NOS2: variants seen among roughly 807,000 people sequenced by gnomAD.
NOS2 encodes the protein nitric oxide synthase, inducible.
Under a neutral mutation model 136.0 loss-of-function variants are expected in NOS2, and 96 were observed. The observed-to-expected ratio is 0.71, with a 90% CI of 0.60 to 0.84. NOS2 has a LOEUF of 0.84. Among genes scored for constraint, NOS2 ranks in the 40% least tolerant of loss-of-function variants. NOS2 has a pLI of 0.00. For synonymous variants in NOS2, 539 were observed against 587.5 expected (o/e 0.92, Z 1.20); for missense variants, 1,237 against 1,496.9 (o/e 0.83, Z 2.87).
intron 25 of NOS2, among the ~76,000 whole-genome samples, 170 bp from the exon 26 acceptor site, chr17:27,759,245 G>T (rs1475940145): frequency 6.6e-6 from 1 of 152,200 alleles, no homozygotes; most frequent in African/African-American, 2.4e-5. Context: ...GTGCATGGAT[G>T]CCCCTGGGGC....
chr17:27,769,036 C>G lies in NOS2; in HGVS notation c.1975G>C (p.Gly659Arg). ...TCCTCCTGCCCACTGAGCTCATCCC[C>G]TTCTCCCATCGGGGTGAGCTGAGAG... ...GASQLTPMGE[G>R]DELSGQEDAF... is the part of the protein sequence containing the mutation. The change falls in exon 17 of 27, where the codon GGG becomes CGG. Residue 659 changes from glycine (G) to arginine (R), a missense_variant. Gly to Arg is a moderately radical substitution (Grantham distance 125, BLOSUM62 -2). Around this residue, in one of 3 missense-constraint regions of NOS2, gnomAD observed 782 missense variants for 909.9 expected, o/e 0.86. Coordinates refer to ENST00000313735, the MANE Select transcript of NOS2 (RefSeq NM_000625.4). The G allele has an allele frequency of 6.2e-7, 1 of 1,612,724 alleles. No homozygotes were observed. Among genetic ancestry groups the G allele is most frequent in the Non-Finnish European group, 8.5e-7 (1 of 1,179,600 alleles).
Position 27,798,877 on chromosome 17 carries a change from G to A in NOS2, c.-68C>T, listed in dbSNP as rs1268299201. ...GATTTGAGCTCAGATGTTCTTCACT[G>A]TGGGGCTGAAGAAGGGAAGCAGAGG... On this transcript the variant is annotated 5_prime_UTR_variant, in exon 2 of 27. Transcript: ENST00000313735. 1.1e-5 allele frequency: 11 copies of A among 1,004,550 alleles called. No homozygotes were observed. Among genetic ancestry groups the A allele is most frequent in the Non-Finnish European group, 1.6e-5 (10 of 626,424 alleles). 62.2% of individuals were successfully genotyped at this position (1,004,550 alleles called of 1,614,324 possible).
chr17:27,777,131 G>C (rs1341572218), intron 11 of NOS2, among the ~76,000 whole-genome samples: 1 of 152,202 alleles, frequency 6.6e-6, no homozygotes, highest in Non-Finnish European at 1.5e-5. Flanking sequence ...CCCCCGTCAA[G>C]CACAGGCCTG....
At chr17:27,781,787 C>A (rs1908856004) in intron 7 of NOS2, among the ~76,000 whole-genome samples, 1 of 152,182 alleles carries the variant, frequency 6.6e-6, no homozygotes. Flanking sequence ...CCAAGTGGCT[C>A]CACATCAGAA....
intron 16 of NOS2, 152 bp downstream of exon 16, chr17:27,769,383 C>G (rs1266594862): frequency 3.9e-6 from 3 of 760,890 alleles, no homozygotes; most frequent in African/African-American, 1.8e-5. Flanking sequence ...TGGTTTGACC[C>G]TCGACACATT....
rs199617035 is a variant in NOS2, at chr17:27,757,146, C to T, written c.*100G>A. On this transcript the variant is annotated 3_prime_UTR_variant, in exon 27 of 27. Coordinates refer to ENST00000313735, the MANE Select transcript of NOS2 (RefSeq NM_000625.4). ...AATAAGACTTGAGGCTGGGGGATAT[C>T]ACTTTCCTCCATCTCCCCAGGCCCT... The T allele has an allele frequency of 9.4e-5, 82 of 870,698 alleles. No individual in the cohort carries two copies. The highest frequency in any genetic ancestry group is 1.6e-5 in the Non-Finnish European group (9 of 564,456). The allele number at this position is 870,698 out of a possible 1,614,324, so 53.9% of individuals were successfully genotyped here. A position where few individuals can be genotyped will look rare whatever the true frequency, so the allele number is the denominator to read the frequency against.
rs1241889633 is a variant in NOS2 at position 27,774,380 on chromosome 17, G to T, written c.1353C>A (p.Tyr451Ter). ...CTGCCGGGCAGCCCCCACGGGACCG[G>T]TATTCATTCTGCATGTACTTCATGA... The part of the protein sequence containing the change: ...ESFMKYMQNE[Y>*]RSRGGCPADW... Residue 451 changes from tyrosine to a stop codon, truncating the protein, a stop_gained, in exon 12 of 27, where the codon TAC becomes TAA. Transcript: ENST00000313735. LOFTEE classifies it high-confidence loss of function. 6.3e-7 allele frequency: 1 copy of T among 1,581,188 alleles called. No individual in the cohort carries two copies. The highest frequency in any genetic ancestry group is 8.6e-7 in the Non-Finnish European group (1 of 1,163,722).
chr17:27,786,001 G>A (rs1285011139), intron 5 of NOS2, among the ~76,000 whole-genome samples: 2 of 150,542 alleles, frequency 1.3e-5, no homozygotes, highest in Non-Finnish European at 3.0e-5. Flanking sequence ...AAAAGTGGAG[G>A]TGGTACCACC....
At chr17:27,760,836 G>A (rs1322448589) in intron 23 of NOS2, 92 bp from the exon 24 acceptor site, 13 of 1,443,390 alleles carry the variant, frequency 9.0e-6, no homozygotes, top group Admixed American at 4.8e-5. Context: ...TGTGGGAGGC[G>A]GTCGTGAGGG....
chr17:27,791,798 A>ATATAT (rs1567643098), intron 2 of NOS2, among the ~76,000 whole-genome samples: 36 of 150,782 alleles, frequency 2.4e-4, no homozygotes, highest in African/African-American at 8.6e-4. Flanking sequence ...AAAACAAAAC[A>ATATAT]AAACAAAAAT....
chr17:27,777,037 G>A (rs1490221289), intron 11 of NOS2, among the ~76,000 whole-genome samples: 1 of 152,178 alleles, frequency 6.6e-6, no homozygotes, highest in Non-Finnish European at 1.5e-5. Flanking sequence ...GGCTGGTGCT[G>A]GGAGTCCCCA....
At chr17:27,799,153 G>A (rs945590925) in intron 1 of NOS2, among the ~76,000 whole-genome samples, 3 of 152,116 alleles carry the variant, frequency 2.0e-5, no homozygotes, top group African/African-American at 7.2e-5. Context: ...TATGCACCAT[G>A]AGCCTCCTTA....
intron 13 of NOS2, among the ~76,000 whole-genome samples, chr17:27,772,898 G>T (rs546424350): frequency 1.5e-3 from 232 of 152,258 alleles, no homozygotes; most frequent in African/African-American, 5.2e-3. Flanking sequence ...TTAGTCAGGC[G>T]TGGGTTTGTA....
chr17:27,783,710 T>G (rs560614614), intron 5 of NOS2, among the ~76,000 whole-genome samples: 1 of 152,290 alleles, frequency 6.6e-6, no homozygotes, highest in Non-Finnish European at 1.5e-5. Flanking sequence ...GCCAAGGATC[T>G]CAAGGCTCTA....
Position 27,757,094 on chromosome 17 carries a change from G to A in NOS2, c.*152C>T. The stretch of plus-strand genomic sequence containing the variant: ...GCTACTTGTTAGGAGGTCAAGTAAA[G>A]GGCTTGATGGGGAGCAACGTTGAGG... On this transcript the variant is annotated 3_prime_UTR_variant, in exon 27 of 27. Coordinates refer to ENST00000313735, the MANE Select transcript of NOS2 (RefSeq NM_000625.4). 1 of 599,402 alleles carries A rather than the reference G, an allele frequency of 1.7e-6. No homozygotes were observed. Among genetic ancestry groups the A allele is most frequent in the Non-Finnish European group, 2.9e-6 (1 of 349,318 alleles). 37.1% of individuals were successfully genotyped at this position (599,402 alleles called of 1,614,324 possible).
At chr17:27,770,801 G>A in intron 15 of NOS2, 112 bp downstream of exon 15, 4 of 723,434 alleles carry the variant, frequency 5.5e-6, no homozygotes, top group Non-Finnish European at 9.7e-6. Context: ...GGAGTGGCCT[G>A]AGCACTGACT....
intron 26 of NOS2, among the ~76,000 whole-genome samples, chr17:27,758,522 A>G (rs1908005147): frequency 6.6e-6 from 1 of 152,188 alleles, no homozygotes; most frequent in Non-Finnish European, 1.5e-5. Flanking sequence ...TGAGGTTCAC[A>G]CGAGGCTGAC....
chr17:27,765,851 C>T (rs1908284670), intron 19 of NOS2, 135 bp from the exon 20 acceptor site: 9 of 995,146 alleles, frequency 9.0e-6, no homozygotes, highest in Non-Finnish European at 1.3e-5. Flanking sequence ...GGCCACCACC[C>T]TGAGCTTGGG....
intron 4 of NOS2, 61 bp downstream of exon 4, chr17:27,788,748 A>G: frequency 6.4e-7 from 1 of 1,569,794 alleles, no homozygotes; most frequent in Non-Finnish European, 8.7e-7. Context: ...TTGATCCACA[A>G]AGCCCTGGCA....
Sources: allele counts gnomAD v4.1 joint callset (sites outside exome capture counted in the v4.1 genomes callset), GRCh38; gene constraint gnomAD v4.1.1; regional missense constraint gnomAD v4.1.1; transcripts MANE v1.5; gene names NCBI Gene and HGNC (gene_info 2026-07-23, HGNC 2026-07-21).